TET2: variants seen among roughly 807,000 people sequenced by gnomAD.
TET2 encodes the protein methylcytosine dioxygenase TET2.
In TET2, 299 loss-of-function variants were observed where a neutral mutation model predicts 142.9. The observed-to-expected ratio is 2.09, with a 90% CI of 1.90 to 2.30. The LOEUF is 2.30. TET2 is among the 30% of genes most tolerant of loss of function. TET2 has a pLI of 0.00. For missense variants in TET2, 2,418 were observed against 2,378.0 expected (o/e 1.02, Z -0.35); for synonymous variants, 819 against 849.0 (o/e 0.96, Z 0.61).
At position 105,277,985 on chromosome 4, in the gene TET2, G is replaced by A. The variant is rs934183533; in HGVS notation, c.*1466G>A. ...GATGCCTGCATAAGATGAATAAACA[G>A]GGTTAGTTCCATGTGAATCTGTCAG... On this transcript the variant is annotated 3_prime_UTR_variant, in exon 11 of 11. Coordinates refer to ENST00000380013, the MANE Select transcript of TET2 (RefSeq NM_001127208.3). The A allele has an allele frequency of 4.7e-6, 1 of 214,506 alleles. No homozygotes were observed. Among genetic ancestry groups the A allele is most frequent in the Non-Finnish European group, 9.4e-6 (1 of 106,500 alleles). 13.3% of individuals were successfully genotyped at this position (214,506 alleles called of 1,614,324 possible).
At position 105,235,268 on chromosome 4, in the gene TET2, C is replaced by T. The variant is rs1157923481; in HGVS notation, c.1326C>T (p.Asn442=). ...ACCACCACTACCCCAACCAAAGTAA[C>T]ACAACACTTTTAAGGGAAGTGAAAA... The part of the protein sequence containing the change: ...EEHHHYPNQS[N]TTLLREVKIE... The change falls in exon 3 of 11, where the codon AAC becomes AAT. Residue 442 remains asparagine (N), a synonymous_variant. Transcript: ENST00000380013. 1.2e-6 allele frequency: 2 copies of T among 1,614,104 alleles called. No homozygotes were observed. The highest frequency in any genetic ancestry group is 1.7e-5 in the Admixed American group (1 of 60,012).
chr4:105,189,168 A>G (rs1725637654), intron 1 of TET2, among the ~76,000 whole-genome samples: 1 of 151,816 alleles, frequency 6.6e-6, no homozygotes, highest in African/African-American at 2.4e-5. Context: ...CTCCCTTCTT[A>G]CTCTGTAAAA....
intron 2 of TET2, chr4:105,190,749 T>C (rs1725738241): frequency 2.3e-6 from 1 of 435,496 alleles, no homozygotes; most frequent in East Asian, 3.6e-5. Context: ...CAATTCTCAA[T>C]GTCTATGGAG....
intron 6 of TET2, among the ~76,000 whole-genome samples, chr4:105,250,076 G>C (rs2110267899): frequency 6.6e-6 from 1 of 152,236 alleles, no homozygotes; most frequent in African/African-American, 2.4e-5. Context: ...TTAATTTGAT[G>C]GTGAGAGATA....
chr4:105,244,078 C>G (rs767713026), intron 6 of TET2, among the ~76,000 whole-genome samples: 1 of 152,210 alleles, frequency 6.6e-6, no homozygotes, highest in Non-Finnish European at 1.5e-5. Flanking sequence ...CTACAAGTGA[C>G]GGCTCCTGTG....
At chr4:105,189,459 G>C (rs1238370143) in intron 1 of TET2, among the ~76,000 whole-genome samples, 1 of 152,010 alleles carries the variant, frequency 6.6e-6, no homozygotes, top group African/African-American at 2.4e-5. Context: ...AAGTCTTCTT[G>C]TGCTCCTTTG....
chr4:105,272,622 A>G lies in TET2; in HGVS notation c.4241A>G (p.Gln1414Arg), dbSNP rs1731019175. Residue 1414 changes from glutamine (Q) to arginine (R), a missense_variant, in exon 10 of 11, where the codon CAG becomes CGG. Physicochemically the swap from Gln to Arg is conservative, Grantham distance 43. Coordinates refer to ENST00000380013, the MANE Select transcript of TET2 (RefSeq NM_001127208.3). ...REFGGKPEDEQLHVLPLYKVS... is the reference protein window; with the variant it reads ...REFGGKPEDERLHVLPLYKVS... ...TTTGGAGGAAAACCTGAGGATGAGC[A>G]GCTTCACGTTCTGCCTTTATACAAA... 1.3e-6 allele frequency: 2 copies of G among 1,550,636 alleles called. No homozygotes were observed. Among genetic ancestry groups the G allele is most frequent in the Non-Finnish European group, 1.7e-6 (2 of 1,146,722 alleles).
In TET2 at chr4:105,217,993, G is replaced by T. The variant is rs1472922224; in HGVS notation, c.-46-15904G>T. Among the ~76,000 whole-genome samples the T allele has an allele frequency of 2.6e-5, 4 of 152,048 alleles. No individual in the cohort carries two copies. In the South Asian group the frequency reaches 8.3e-4, roughly 31 times the overall value. The stretch of plus-strand genomic sequence containing the variant: ...TTTATCTCTCCCGCAGAGTTGACTC[G>T]AGTGAAGGAAATTGAGTTGTTTTAA... On this transcript the variant is annotated intron_variant, in intron 2 of 10. Coordinates refer to ENST00000380013, the MANE Select transcript of TET2 (RefSeq NM_001127208.3).
At chr4:105,264,059 T>A (rs1730569728) in intron 8 of TET2, among the ~76,000 whole-genome samples, 1 of 151,452 alleles carries the variant, frequency 6.6e-6, no homozygotes, top group South Asian at 2.1e-4. Flanking sequence ...CTAAAATGAT[T>A]TAGCTACTCT....
At chr4:105,168,320 A>G (rs1442961934) in intron 1 of TET2, among the ~76,000 whole-genome samples, 1 of 151,894 alleles carries the variant, frequency 6.6e-6, no homozygotes, top group Admixed American at 6.6e-5. Flanking sequence ...ATTTCTTGCC[A>G]CTATTCTCCC....
rs1045509241 is a variant in TET2 at position 105,243,662 on chromosome 4, C to T, written c.3687C>T (p.Leu1229=). The change falls in exon 6 of 11, where the codon CTC becomes CTT. Residue 1229 remains leucine, a synonymous_variant. Coordinates refer to ENST00000380013, the MANE Select transcript of TET2 (RefSeq NM_001127208.3). ...HTCEAAVIVI[L]ILVWEGIPLS... is the part of the protein sequence containing the mutation. ...GTGAGGCTGCAGTGATTGTGATTCT[C>T]ATCCTGGTGTGGGAAGGAATCCCGC... 6.4e-7 allele frequency: 1 copy of T among 1,551,474 alleles called. No individual in the cohort carries two copies. Among genetic ancestry groups the T allele is most frequent in the African/African-American group, 1.4e-5 (1 of 73,004 alleles).
rs1240458374 is a variant in TET2, at chr4:105,276,222, T to G, written c.5712T>G (p.His1904Gln). 2 of 1,551,512 alleles carry G rather than the reference T, an allele frequency of 1.3e-6. No homozygotes were observed. Among genetic ancestry groups the G allele is most frequent in the African/African-American group, 1.4e-5 (1 of 73,014 alleles). The change falls in exon 11 of 11, where the codon CAT becomes CAG. Residue 1904 changes from histidine to glutamine, a missense_variant. By Grantham distance (24) the His-to-Gln change is conservative (BLOSUM62 0). Transcript: ENST00000380013. ...GGATCTCCCTCGTCTTTTACCAGCA[T>G]AAGAGCATGAATGAGCCAAAACATG... is the stretch of plus-strand genomic sequence containing the variant. Reference protein sequence around the residue: ...PTRISLVFYQHKSMNEPKHGL... With the variant: ...PTRISLVFYQQKSMNEPKHGL...
chr4:105,211,371 A>G (rs562629126), intron 2 of TET2, among the ~76,000 whole-genome samples: 1 of 152,338 alleles, frequency 6.6e-6, no homozygotes, highest in Admixed American at 6.5e-5. Flanking sequence ...TGGTGAAGGA[A>G]TCCAGACTAT....
At chr4:105,226,979 T>G (rs72955198) in intron 2 of TET2, among the ~76,000 whole-genome samples, 13,861 of 152,148 alleles carry the variant, frequency 0.091, 1,814 homozygotes, top group African/African-American at 0.29. Context: ...TCTCAGGGAA[T>G]TTTCATTTTT....
At chr4:105,175,109 T>C (rs1724704901) in intron 1 of TET2, among the ~76,000 whole-genome samples, 1 of 152,176 alleles carries the variant, frequency 6.6e-6, no homozygotes, top group African/African-American at 2.4e-5. Flanking sequence ...CACCTTTTAC[T>C]ATCATATTAC....
At chr4:105,225,087 T>C (rs921294839) in intron 2 of TET2, among the ~76,000 whole-genome samples, 2 of 152,104 alleles carry the variant, frequency 1.3e-5, no homozygotes, top group Non-Finnish European at 2.9e-5. Flanking sequence ...CTTATAACTT[T>C]AGCATTATGT....
At position 105,275,597 on chromosome 4, in the gene TET2, A is replaced by T; in HGVS notation, c.5087A>T (p.Tyr1696Phe). Reference sequence around the variant, plus strand: ...AGTTTTACATCTAAATACTTAGGTTATGGAAACCAAAATATGCAGGGAGAT... The same window carrying T: ...AGTTTTACATCTAAATACTTAGGTTTTGGAAACCAAAATATGCAGGGAGAT... ...SQSFTSKYLG[Y>F]GNQNMQGDGF... The change falls in exon 11 of 11, where the codon TAT (tyrosine) becomes TTT (phenylalanine). Residue 1696 changes from tyrosine to phenylalanine, a missense_variant. Coordinates refer to ENST00000380013, the MANE Select transcript of TET2 (RefSeq NM_001127208.3). The T allele has an allele frequency of 6.4e-7, 1 of 1,551,792 alleles. No homozygotes were observed. The highest frequency in any genetic ancestry group is 8.7e-7 in the Non-Finnish European group (1 of 1,146,994).
At chr4:105,263,968 C>T (rs958133807) in intron 8 of TET2, among the ~76,000 whole-genome samples, 2 of 152,066 alleles carry the variant, frequency 1.3e-5, no homozygotes, top group Non-Finnish European at 2.9e-5. Context: ...GGGATGGGTG[C>T]TCTGTCATTT....
chr4:105,275,410 A>T lies in TET2; in HGVS notation c.4900A>T (p.Asn1634Tyr). 1.9e-6 allele frequency: 3 copies of T among 1,551,660 alleles called. No individual in the cohort carries two copies. Among genetic ancestry groups the T allele is most frequent in the Non-Finnish European group, 2.6e-6 (3 of 1,146,970 alleles). ...QNTQYPSYQC[N>Y]GNLSVDNCSP... ...TACCCAATATCCATCATATCAATGC[A>T]ATGGAAACCTATCAGTGGACAACTG... Residue 1634 changes from asparagine to tyrosine, a missense_variant, in exon 11 of 11, where the codon AAT becomes TAT. By Grantham distance (143) the Asn-to-Tyr change is moderately radical (BLOSUM62 -2). Transcript: ENST00000380013.
Sources: allele counts gnomAD v4.1 joint callset (sites outside exome capture counted in the v4.1 genomes callset), GRCh38; gene constraint gnomAD v4.1.1; transcripts MANE v1.5; gene names NCBI Gene and HGNC (gene_info 2026-07-23, HGNC 2026-07-21).